The following ARHGAP44 variants were observed in gnomAD, a reference collection of about 807,000 sequenced individuals.
The protein encoded by ARHGAP44 is Rho GTPase activating protein 44.
A neutral mutation model predicts 106.8 loss-of-function variants in ARHGAP44; 43 were observed. The observed-to-expected ratio is 0.40, with a 90% CI of 0.32 to 0.52. ARHGAP44 has a LOEUF of 0.52. Ranked by LOEUF, ARHGAP44 falls within the 20% of genes least tolerant of loss-of-function variation. The pLI is 0.48. For synonymous variants in ARHGAP44, 439 were observed against 410.3 expected (o/e 1.07, Z -0.85); for missense variants, 866 against 1,050.5 (o/e 0.82, Z 2.43).
intron 7 of ARHGAP44, among the ~76,000 whole-genome samples, chr17:12,931,796 G>A (rs930504131): frequency 1.3e-5 from 2 of 150,980 alleles, no homozygotes; most frequent in Admixed American, 6.6e-5. Flanking sequence ...ACCGCACCCA[G>A]CCGTTAGTCT....
intron 20 of ARHGAP44, among the ~76,000 whole-genome samples, chr17:12,989,460 C>T (rs2040054566): frequency 6.6e-6 from 1 of 152,116 alleles, no homozygotes; most frequent in Non-Finnish European, 1.5e-5. Context: ...AAGGATGTAA[C>T]CAGAGGTGGG....
chr17:12,844,900 G>A (rs982617396), intron 1 of ARHGAP44, among the ~76,000 whole-genome samples: 2 of 152,010 alleles, frequency 1.3e-5, no homozygotes, highest in African/African-American at 4.8e-5. Flanking sequence ...TGCTGTTATC[G>A]GAAGCAGAAC....
intron 1 of ARHGAP44, among the ~76,000 whole-genome samples, chr17:12,871,730 T>C (rs1457934356): frequency 6.6e-6 from 1 of 152,148 alleles, no homozygotes; most frequent in Non-Finnish European, 1.5e-5. Context: ...GTTCTTGTGA[T>C]AGTGAATGAA....
intron 18 of ARHGAP44, among the ~76,000 whole-genome samples, chr17:12,977,778 G>A (rs928986822): frequency 2.6e-5 from 4 of 152,088 alleles, no homozygotes; most frequent in East Asian, 1.9e-4. Context: ...GGTAGCTCAC[G>A]CCTGCAATCC....
At chr17:12,831,224 G>A (rs912486889) in intron 1 of ARHGAP44, among the ~76,000 whole-genome samples, 3 of 152,176 alleles carry the variant, frequency 2.0e-5, no homozygotes, top group Non-Finnish European at 2.9e-5. Flanking sequence ...TCTTAAGCCT[G>A]CACAGCTAGT....
At chr17:12,871,877 C>T (rs1014105213) in intron 1 of ARHGAP44, among the ~76,000 whole-genome samples, 2 of 152,114 alleles carry the variant, frequency 1.3e-5, no homozygotes, top group Non-Finnish European at 2.9e-5. Context: ...CTGAAGCCTC[C>T]CCAGAAGCCA....
At chr17:12,968,015 C>T (rs999560473) in intron 16 of ARHGAP44, among the ~76,000 whole-genome samples, 4 of 152,096 alleles carry the variant, frequency 2.6e-5, no homozygotes, top group African/African-American at 9.7e-5. Flanking sequence ...TGGTAAGCAC[C>T]GACTTGAATC....
chr17:12,892,810 A>G (rs535146616), intron 1 of ARHGAP44, among the ~76,000 whole-genome samples: 2 of 148,646 alleles, frequency 1.3e-5, no homozygotes, highest in Admixed American at 1.3e-4. Flanking sequence ...TTTTTTGTCA[A>G]TTAGATTGTT....
In ARHGAP44 at chr17:12,986,716, A is replaced by G. The variant is rs535242695; in HGVS notation, c.2317+1808A>G. On this transcript the variant is annotated intron_variant, in intron 20 of 20. Coordinates refer to ENST00000379672, the MANE Select transcript of ARHGAP44 (RefSeq NM_014859.6). ...AAAAAAAAAAAAGAATGAGCAGAAGATATCAATGGAGAAGCAGAAAAGAGC... is the reference window on the plus strand; with the variant it reads ...AAAAAAAAAAAAGAATGAGCAGAAGGTATCAATGGAGAAGCAGAAAAGAGC... The G allele has an allele frequency of 2.2e-3, 337 of 155,040 alleles. 15 individuals are homozygous for G. The highest frequency in any genetic ancestry group is 0.016 in the Middle Eastern group (5 of 314). The allele number at this position is 155,040 out of a possible 1,614,324, so 9.6% of individuals were successfully genotyped here.
chr17:12,949,096 G>C lies in ARHGAP44; in HGVS notation c.862-44G>C, dbSNP rs1182186492. The C allele has an allele frequency of 1.3e-6, 2 of 1,526,182 alleles. No homozygotes were observed. Among genetic ancestry groups the C allele is most frequent in the Non-Finnish European group, 1.8e-6 (2 of 1,126,052 alleles). 94.5% of individuals were successfully genotyped at this position (1,526,182 alleles called of 1,614,324 possible). On this transcript the variant is annotated intron_variant, in intron 10 of 20. Transcript: ENST00000379672. This position sits in a 1 kb window ranked among gnomAD's most constrained non-coding sequence, Gnocchi z 4.1. ...TGCGGGGTCTCTGCGCTTTGATGTT[G>C]TACCTTGGAGTTGCTGTGCGCTGAC... is the stretch of plus-strand genomic sequence containing the variant.
At chr17:12,973,982 C>A in intron 17 of ARHGAP44, 107 bp from the exon 18 acceptor site, 2 of 1,209,650 alleles carry the variant, frequency 1.7e-6, no homozygotes, top group Non-Finnish European at 1.2e-6. Flanking sequence ...GGTGCTAAAG[C>A]TGCGCTGCTC....
intron 5 of ARHGAP44, among the ~76,000 whole-genome samples, chr17:12,919,295 A>G (rs2038004899): frequency 6.6e-6 from 1 of 152,200 alleles, no homozygotes; most frequent in Non-Finnish European, 1.5e-5. Context: ...GTAACACAAA[A>G]GGGAAAAAAG....
intron 6 of ARHGAP44, among the ~76,000 whole-genome samples, chr17:12,921,924 A>C (rs1339103380): frequency 3.9e-5 from 6 of 152,172 alleles, no homozygotes; most frequent in African/African-American, 1.2e-4. Flanking sequence ...AAGACCAGAC[A>C]TAAAACAGGT....
chr17:12,852,518 G>C (rs2035781804), intron 1 of ARHGAP44, among the ~76,000 whole-genome samples: 1 of 146,122 alleles, frequency 6.8e-6, no homozygotes, highest in African/African-American at 2.5e-5. Flanking sequence ...TATATTTCTT[G>C]TTTTCTATTC....
chr17:12,950,653 A>G (rs2038970994), intron 12 of ARHGAP44, among the ~76,000 whole-genome samples: 1 of 152,194 alleles, frequency 6.6e-6, no homozygotes, highest in East Asian at 1.9e-4. Flanking sequence ...GGACCCCCAC[A>G]CAACAGCAGG....
At chr17:12,805,713 G>A (rs1205984538) in intron 1 of ARHGAP44, among the ~76,000 whole-genome samples, 1 of 152,202 alleles carries the variant, frequency 6.6e-6, no homozygotes, top group Admixed American at 6.5e-5. Context: ...CATAGCTTGG[G>A]TCTCTGCAAA....
In ARHGAP44 at chr17:12,978,035, T is replaced by TAA. The variant is rs757585682; in HGVS notation, c.1764-2023_1764-2022insAA. ...CTGGGCAACAGAGCAAGACTCCATCTCAAAAAAAAAAAAAAAAAAAAGTGT... is the reference window on the plus strand; with the variant it reads ...CTGGGCAACAGAGCAAGACTCCATCTAACAAAAAAAAAAAAAAAAAAAAGTGT... On this transcript the variant is annotated intron_variant, in intron 18 of 20. Coordinates refer to ENST00000379672, the MANE Select transcript of ARHGAP44 (RefSeq NM_014859.6). Among the ~76,000 whole-genome samples the TAA allele has an allele frequency of 9.5e-4, 53 of 55,560 alleles. 5 individuals carry two copies. The highest frequency in any genetic ancestry group is 5.3e-3 in the East Asian group (11 of 2,088). 36.4% of individuals were successfully genotyped at this position (55,560 alleles called of 152,430 possible).
intron 1 of ARHGAP44, among the ~76,000 whole-genome samples, chr17:12,843,109 A>T (rs1226488486): frequency 6.6e-6 from 1 of 151,632 alleles, no homozygotes; most frequent in Non-Finnish European, 1.5e-5. Flanking sequence ...TGTGTAAATA[A>T]ATGCTGTGCC....
At chr17:12,835,905 T>A (rs1256157983) in intron 1 of ARHGAP44, among the ~76,000 whole-genome samples, 1 of 152,212 alleles carries the variant, frequency 6.6e-6, no homozygotes, top group Admixed American at 6.5e-5. Flanking sequence ...ATTTGCCTTT[T>A]TGTGTCTGGC....
Sources: allele counts gnomAD v4.1 joint callset (sites outside exome capture counted in the v4.1 genomes callset), GRCh38; gene constraint gnomAD v4.1.1; non-coding constraint Gnocchi (gnomAD v3.1); transcripts MANE v1.5; gene names NCBI Gene and HGNC (gene_info 2026-07-23, HGNC 2026-07-21).